Variants in TMEM131 observed in about 807,000 individuals in gnomAD.
The protein encoded by TMEM131 is 2610524E03Rik.
A neutral mutation model predicts 211.6 loss-of-function variants in TMEM131; 66 were observed. The ratio of observed to expected loss-of-function variants is 0.31; its 90% CI spans 0.26 to 0.38. The LOEUF is 0.38. Ranked by LOEUF, TMEM131 falls within the 10% of genes least tolerant of loss-of-function variation. TMEM131 has a pLI of 1.00. For missense variants in TMEM131, 2,036 were observed against 2,299.3 expected (o/e 0.89, Z 2.34); for synonymous variants, 844 against 841.3 (o/e 1.00, Z -0.06).
chr2:97,800,097 C>G (rs1357501223), intron 25 of TMEM131, among the ~76,000 whole-genome samples: 2 of 152,136 alleles, frequency 1.3e-5, no homozygotes, highest in Non-Finnish European at 2.9e-5. Flanking sequence ...CCATGCCCGG[C>G]CTCAGTTTCA....
intron 22 of TMEM131, among the ~76,000 whole-genome samples, chr2:97,804,307 A>G (rs1473342512): frequency 6.6e-6 from 1 of 152,164 alleles, no homozygotes; most frequent in Non-Finnish European, 1.5e-5. Context: ...TACCTGCCAA[A>G]GAAACACTGT....
At chr2:97,938,721 A>G (rs1191580516) in intron 1 of TMEM131, among the ~76,000 whole-genome samples, 2 of 152,226 alleles carry the variant, frequency 1.3e-5, no homozygotes, top group African/African-American at 4.8e-5. Flanking sequence ...TCAACAGAAT[A>G]TATGTTCTTC....
intron 33 of TMEM131, among the ~76,000 whole-genome samples, chr2:97,771,815 G>A (rs1679481829): frequency 6.6e-6 from 1 of 152,210 alleles, no homozygotes; most frequent in Admixed American, 6.5e-5. Flanking sequence ...TGGTAGAACC[G>A]TCTGACTGGT....
In TMEM131 at chr2:97,775,855, C is replaced by G; in HGVS notation, c.4308G>C (p.Pro1436=). Residue 1436 remains proline, a synonymous_variant, in exon 32 of 41, where the codon CCG becomes CCC. Coordinates refer to ENST00000186436, the MANE Select transcript of TMEM131 (RefSeq NM_015348.2). ...TTETSNPDTE[P]LLKEDTEKQK... is the part of the protein sequence containing the mutation. Reference sequence around the variant, plus strand: ...GATCAGCCCGTACCTCCTTGAGGAGCGGTTCTGTGTCAGGGTTGGAGGTCT... The same window carrying G: ...GATCAGCCCGTACCTCCTTGAGGAGGGGTTCTGTGTCAGGGTTGGAGGTCT... 1 of 1,612,860 alleles carries G rather than the reference C, an allele frequency of 6.2e-7. No individual in the cohort carries two copies. The highest frequency in any genetic ancestry group is 8.5e-7 in the Non-Finnish European group (1 of 1,179,542).
intron 7 of TMEM131, among the ~76,000 whole-genome samples, chr2:97,839,522 A>T (rs1197200023): frequency 6.6e-6 from 1 of 152,226 alleles, no homozygotes; most frequent in Non-Finnish European, 1.5e-5. Flanking sequence ...TATTTGTTCT[A>T]ATTTAGTATA....
rs1681050809 is a variant in TMEM131, at chr2:97,801,867, T to C, written c.2718+28A>G. 7 of 1,473,072 alleles carry C rather than the reference T, an allele frequency of 4.8e-6. No individual in the cohort carries two copies. In the East Asian group the frequency reaches 1.6e-4, roughly 34 times the overall value. The allele number at this position is 1,473,072 out of a possible 1,614,324, so 91.3% of individuals were successfully genotyped here. Reference sequence around the variant, plus strand: ...TGATCATATTATAAAATAATTTCTTTGGAATAGTATGAAGTTTGAATACTT... The same window carrying C: ...TGATCATATTATAAAATAATTTCTTCGGAATAGTATGAAGTTTGAATACTT... On this transcript the variant is annotated intron_variant, in intron 25 of 40. Transcript: ENST00000186436.
intron 1 of TMEM131, among the ~76,000 whole-genome samples, chr2:97,945,716 G>A (rs1480970322): frequency 1.3e-5 from 2 of 151,922 alleles, no homozygotes; most frequent in African/African-American, 4.8e-5. Flanking sequence ...GGTGAATCTG[G>A]GTAAAGAATA....
intron 5 of TMEM131, among the ~76,000 whole-genome samples, chr2:97,858,031 C>T (rs1471770851): frequency 6.6e-6 from 1 of 152,102 alleles, no homozygotes; most frequent in Non-Finnish European, 1.5e-5. Context: ...TTATCAGTCC[C>T]TTGTTTATAA....
intron 3 of TMEM131, among the ~76,000 whole-genome samples, chr2:97,893,553 G>A (rs548973050): frequency 1.3e-5 from 2 of 152,288 alleles, no homozygotes; most frequent in South Asian, 4.1e-4. Context: ...TCCAGCATCT[G>A]TCATTTCCTG....
intron 1 of TMEM131, among the ~76,000 whole-genome samples, chr2:97,942,284 T>C (rs1247510732): frequency 4.7e-5 from 6 of 127,476 alleles, no homozygotes; most frequent in East Asian, 4.9e-4. Context: ...ATGAGAACAC[T>C]TGGACACAGG....
At chr2:97,877,243 A>T (rs905204095) in intron 4 of TMEM131, among the ~76,000 whole-genome samples, 2 of 152,210 alleles carry the variant, frequency 1.3e-5, no homozygotes, top group Non-Finnish European at 1.5e-5. Context: ...ATGCTCATGG[A>T]TAGGAAGAAT....
chr2:97,861,552 C>T (rs1674068468), intron 4 of TMEM131, among the ~76,000 whole-genome samples: 1 of 151,880 alleles, frequency 6.6e-6, no homozygotes, highest in South Asian at 2.1e-4. Flanking sequence ...AGCCCTTGGG[C>T]TTTAAGTGAA....
At chr2:97,960,200 T>C (rs565681759) in intron 1 of TMEM131, among the ~76,000 whole-genome samples, 16 of 152,334 alleles carry the variant, frequency 1.1e-4, no homozygotes, top group African/African-American at 3.8e-4. Flanking sequence ...TACCCAATAA[T>C]CTTTACCAAT....
chr2:97,949,032 C>A (rs955339618), intron 1 of TMEM131, among the ~76,000 whole-genome samples: 1 of 152,056 alleles, frequency 6.6e-6, no homozygotes, highest in African/African-American at 2.4e-5. Context: ...TGAAATGAAA[C>A]GTATGTGTGA....
chr2:97,964,154 T>C (rs1327585403), intron 1 of TMEM131, among the ~76,000 whole-genome samples: 1 of 152,180 alleles, frequency 6.6e-6, no homozygotes, highest in Non-Finnish European at 1.5e-5. Context: ...CAGTTAAAGG[T>C]CTTTCTCAAG....
intron 4 of TMEM131, among the ~76,000 whole-genome samples, chr2:97,884,075 C>A (rs1229070033): frequency 6.6e-6 from 1 of 152,086 alleles, no homozygotes; most frequent in African/African-American, 2.4e-5. Flanking sequence ...AAATTTGCCT[C>A]TTAATATTGC....
chr2:97,963,769 TTTG>T (rs1163273763), intron 1 of TMEM131, among the ~76,000 whole-genome samples: 2 of 152,188 alleles, frequency 1.3e-5, no homozygotes, highest in Non-Finnish European at 2.9e-5. Context: ...ATAATTTCCC[TTTG>T]TTGTTGTTGT....
intron 1 of TMEM131, among the ~76,000 whole-genome samples, chr2:97,975,047 C>T (rs930797594): frequency 6.6e-6 from 1 of 152,030 alleles, no homozygotes; most frequent in African/African-American, 2.4e-5. Flanking sequence ...CCAAGATAGC[C>T]TATATTCAAA....
intron 1 of TMEM131, among the ~76,000 whole-genome samples, chr2:97,930,330 G>A (rs1287264678): frequency 6.6e-6 from 1 of 151,766 alleles, no homozygotes; most frequent in Non-Finnish European, 1.5e-5. Context: ...AAGAAATGCT[G>A]ATCTAACTGA....
Sources: gnomAD v4.1 joint callset for allele counts (sites outside exome capture counted in the v4.1 genomes callset) on GRCh38, gnomAD v4.1.1 for gene constraint, MANE v1.5 for transcripts, NCBI Gene and HGNC (gene_info 2026-07-23, HGNC 2026-07-21) for gene names.